Variants in LINGO2 observed in about 807,000 individuals in gnomAD.
LINGO2 encodes leucine-rich repeat and immunoglobulin-like domain-containing nogo receptor-interacting protein 2.
A neutral mutation model predicts 30.6 loss-of-function variants in LINGO2; 14 were observed. The ratio of observed to expected loss-of-function variants is 0.46; its 90% CI spans 0.30 to 0.72. The LOEUF (loss-of-function observed/expected upper bound fraction) is 0.72, where lower values mean the gene tolerates loss of function less well. Ranked by LOEUF, LINGO2 falls within the 30% of genes least tolerant of loss-of-function variation. The probability of loss-of-function intolerance (pLI) is 0.07; values close to 1 mark genes in which losing one functional copy is unlikely to be tolerated. For synonymous variants in LINGO2, 317 were observed against 288.5 expected, an observed-to-expected ratio of 1.10 and a Z score of -1.00; for missense variants, 729 against 751.7, an observed-to-expected ratio of 0.97 and a Z score of 0.35.
chr9:28,876,821 G>A, the LINGO2 span, among the ~76,000 whole-genome samples: 3 of 152,116 alleles, frequency 2.0e-5, no homozygotes, highest in South Asian at 2.1e-4. Flanking sequence ...CTGAGGAATC[G>A]CCACACTGAC....
intron 3 of LINGO2, among the ~76,000 whole-genome samples, chr9:28,353,990 C>T (rs1332805909): frequency 6.6e-6 from 1 of 151,994 alleles, no homozygotes; most frequent in South Asian, 2.1e-4. Flanking sequence ...ATATCACACT[C>T]TGGGGCCTGT....
chr9:29,011,836 T>G, the LINGO2 span, among the ~76,000 whole-genome samples: 1,199 of 152,270 alleles, frequency 7.9e-3, 13 homozygotes, highest in Middle Eastern at 0.01. Context: ...ATAAAAACAT[T>G]AGTCATCATC....
the LINGO2 span, among the ~76,000 whole-genome samples, chr9:29,209,871 A>G: frequency 6.6e-6 from 1 of 152,082 alleles, no homozygotes; most frequent in Non-Finnish European, 1.5e-5. Context: ...TCAATCTAAC[A>G]TGCTTCCTTA....
At chr9:28,610,246 G>T (rs964950415) in intron 1 of LINGO2, among the ~76,000 whole-genome samples, 1 of 152,086 alleles carries the variant, frequency 6.6e-6, no homozygotes, top group African/African-American at 2.4e-5. Flanking sequence ...TTTAAAATAT[G>T]AATAGACAAG....
the LINGO2 span, among the ~76,000 whole-genome samples, chr9:29,171,735 T>A: frequency 6.6e-6 from 1 of 151,948 alleles, no homozygotes; most frequent in South Asian, 2.1e-4. Context: ...GAAGAAAAAG[T>A]AGAATTGCAA....
the LINGO2 span, among the ~76,000 whole-genome samples, chr9:28,963,317 T>G: frequency 2.0e-5 from 3 of 151,906 alleles, no homozygotes; most frequent in African/African-American, 7.2e-5. Flanking sequence ...GCTATCTAAT[T>G]AGCACAGCTC....
the LINGO2 span, among the ~76,000 whole-genome samples, chr9:28,817,079 G>A: frequency 5.3e-5 from 8 of 152,118 alleles, no homozygotes; most frequent in Non-Finnish European, 1.0e-4. Context: ...TTACAAGTTT[G>A]AGAATTTAAC....
the LINGO2 span, among the ~76,000 whole-genome samples, chr9:28,803,254 A>AT: frequency 6.6e-6 from 1 of 151,956 alleles, no homozygotes; most frequent in East Asian, 1.9e-4. Context: ...GAAACAGAAT[A>AT]TAACACAAAA....
At chr9:28,012,663 C>T (rs1563911272) in intron 4 of LINGO2, among the ~76,000 whole-genome samples, 1 of 152,104 alleles carries the variant, frequency 6.6e-6, no homozygotes, top group Non-Finnish European at 1.5e-5. Context: ...AGACACTTTA[C>T]TCCACAAGCC....
chr9:28,320,234 T>G (rs947242574), intron 3 of LINGO2, among the ~76,000 whole-genome samples: 3 of 152,116 alleles, frequency 2.0e-5, no homozygotes, highest in African/African-American at 7.2e-5. Context: ...AGTAATTTGC[T>G]TGAGGTCATA....
At chr9:28,311,954 G>C (rs889131582) in intron 3 of LINGO2, among the ~76,000 whole-genome samples, 6 of 152,096 alleles carry the variant, frequency 3.9e-5, no homozygotes, top group African/African-American at 1.2e-4. Flanking sequence ...AATTATAAAA[G>C]TATTAATTTG....
chr9:28,138,137 C>T (rs962103441), intron 4 of LINGO2, among the ~76,000 whole-genome samples: 8 of 152,166 alleles, frequency 5.3e-5, no homozygotes, highest in African/African-American at 7.2e-5. Context: ...TAAAAGTAAT[C>T]GGTGGCCAAG....
the LINGO2 span, among the ~76,000 whole-genome samples, chr9:28,710,823 G>T: frequency 6.6e-6 from 1 of 151,980 alleles, no homozygotes; most frequent in African/African-American, 2.4e-5. Flanking sequence ...TATCTTCCAA[G>T]GGAAATAAAC....
the LINGO2 span, among the ~76,000 whole-genome samples, chr9:28,845,176 G>T: frequency 6.6e-6 from 1 of 151,736 alleles, no homozygotes; most frequent in Admixed American, 6.6e-5. Flanking sequence ...TGTAAGCCTC[G>T]GATAAGAATG....
the LINGO2 span, among the ~76,000 whole-genome samples, chr9:28,690,798 A>G: frequency 1.3e-5 from 2 of 152,098 alleles, no homozygotes; most frequent in African/African-American, 4.8e-5. Flanking sequence ...AATCCTTCTC[A>G]TTCTAACAAT....
At chr9:28,339,336 A>T (rs1193469445) in intron 3 of LINGO2, among the ~76,000 whole-genome samples, 1 of 152,126 alleles carries the variant, frequency 6.6e-6, no homozygotes, top group Non-Finnish European at 1.5e-5. Context: ...TTTCCAAAAA[A>T]CTATTTATAG....
At chr9:28,834,888 G>C in the LINGO2 span, among the ~76,000 whole-genome samples, 1 of 151,920 alleles carries the variant, frequency 6.6e-6, no homozygotes, top group African/African-American at 2.4e-5. Flanking sequence ...GAATAAAAGA[G>C]GAAAAAAACC....
At chr9:28,718,084 A>C in the LINGO2 span, among the ~76,000 whole-genome samples, 1 of 152,038 alleles carries the variant, frequency 6.6e-6, no homozygotes, top group Non-Finnish European at 1.5e-5. Flanking sequence ...GGGACAGAAA[A>C]AATTTAAAAG....
intron 1 of LINGO2, among the ~76,000 whole-genome samples, chr9:28,543,397 A>C (rs1821790829): frequency 6.6e-6 from 1 of 152,218 alleles, no homozygotes; most frequent in Middle Eastern, 3.4e-3. Flanking sequence ...ATTCATAATT[A>C]GAAAGACAGT....
Sources: allele counts gnomAD v4.1 joint callset (sites outside exome capture counted in the v4.1 genomes callset), GRCh38; gene constraint gnomAD v4.1.1; transcripts MANE v1.5; gene names NCBI Gene and HGNC (gene_info 2026-07-23, HGNC 2026-07-21).